Variants in ZNF582 observed in about 807,000 individuals in gnomAD.
ZNF582 encodes the protein zinc finger protein 582.
Under a neutral mutation model 12.3 loss-of-function variants are expected in ZNF582, and 14 were observed. That is an observed-to-expected ratio of 1.14 (90% CI 0.75 to 1.78). ZNF582 has a LOEUF of 1.78. Ranked by LOEUF, ZNF582 falls within the 40% of genes most tolerant of loss-of-function variation. The pLI, the probability that ZNF582 is intolerant of heterozygous loss-of-function variation, is 0.00. For synonymous variants in ZNF582, 210 were observed against 207.2 expected (o/e 1.01, Z -0.11); for missense variants, 567 against 616.5 (o/e 0.92, Z 0.85).
At chr19:56,388,238 A>G (rs2041984721) in intron 4 of ZNF582, 2 of 152,192 alleles carry the variant, frequency 1.3e-5, no homozygotes, top group African/African-American at 4.8e-5. Context: ...AAATAATGAT[A>G]ATGGGTAATA....
exon 1 of ZNF582, chr19:56,393,224 G>A: frequency 1.6e-6 from 2 of 1,258,494 alleles, no homozygotes; most frequent in Non-Finnish European, 2.0e-6. Context: ...ACCCACCTAA[G>A]GGGTCCATGC....
intron 4 of ZNF582, among the ~76,000 whole-genome samples, chr19:56,389,066 T>C (rs750314981): frequency 6.6e-6 from 1 of 152,218 alleles, no homozygotes; most frequent in South Asian, 2.1e-4. Context: ...ACCTTCCATG[T>C]CTCAGCTGAA....
chr19:56,388,046 C>A (rs557497822), intron 4 of ZNF582, among the ~76,000 whole-genome samples: 1 of 151,606 alleles, frequency 6.6e-6, no homozygotes, highest in Non-Finnish European at 1.5e-5. Context: ...TTTATGTACA[C>A]GGATGTCAAT....
chr19:56,384,761 T>C, exon 5 of ZNF582: 1 of 1,599,778 alleles, frequency 6.3e-7, no homozygotes, highest in Non-Finnish European at 8.5e-7. Flanking sequence ...AGAATGAATA[T>C]TCTCATGTTG....
At chr19:56,383,803 G>A in exon 5 of ZNF582, 2 of 1,488,962 alleles carry the variant, frequency 1.3e-6, no homozygotes, top group Non-Finnish European at 8.9e-7. Flanking sequence ...CATTGTCACT[G>A]GCATTACATT....
chr19:56,384,779 C>T (rs1324682117), exon 5 of ZNF582: 3 of 1,590,666 alleles, frequency 1.9e-6, no homozygotes, highest in African/African-American at 2.7e-5. Flanking sequence ...TTGAATTAGT[C>T]GTGAGCCATA....
Position 56,390,098 on chromosome 19 carries a change from T to A in ZNF582, c.137-2A>T. The stretch of plus-strand genomic sequence containing the variant: ...CATCAGGTTTGGAAACGGCAAGACC[T>A]GGAGATGAGAAGAAACATGCCACCT... On this transcript the variant is annotated splice_acceptor_variant, in intron 3 of 4. Coordinates refer to ENST00000586929, the Ensembl canonical transcript of ZNF582. LOFTEE classifies it high-confidence loss of function. 1 of 1,613,360 alleles carries A rather than the reference T, an allele frequency of 6.2e-7. No homozygotes were observed. The highest frequency in any genetic ancestry group is 1.1e-5 in the South Asian group (1 of 91,024).
At chr19:56,384,846 C>G (rs777261703) in exon 5 of ZNF582, 1 of 1,606,804 alleles carries the variant, frequency 6.2e-7, no homozygotes, top group African/African-American at 1.3e-5. Context: ...GTATAAATTC[C>G]TTGATGATTA....
At chr19:56,389,256 A>G (rs565421159) in intron 4 of ZNF582, among the ~76,000 whole-genome samples, 2 of 152,336 alleles carry the variant, frequency 1.3e-5, no homozygotes, top group East Asian at 3.9e-4. Flanking sequence ...ATACTGTGGC[A>G]TATTCCATGG....
rs1466567364 is a variant in ZNF582, at chr19:56,390,514, G to T, written c.10-13C>A. The T allele has an allele frequency of 6.2e-7, 1 of 1,614,026 alleles. No individual in the cohort carries two copies. On this transcript the variant is annotated splice_polypyrimidine_tract_variant and intron_variant, in intron 2 of 4. Transcript: ENST00000586929. ...ACAATTCTGACCCCTGGAATGACAG[G>T]CATGTATGATATATATGTATTTCAA...
rs910647856 is a variant in ZNF582 at position 56,383,728 on chromosome 19, A to G, written c.*135T>C. 2.9e-6 allele frequency: 3 copies of G among 1,040,650 alleles called. No homozygotes were observed. In the African/African-American group the frequency reaches 4.9e-5, roughly 17 times the overall value. 64.5% of individuals were successfully genotyped at this position (1,040,650 alleles called of 1,614,324 possible). A position where few individuals can be genotyped will look rare whatever the true frequency, so the allele number is the denominator to read the frequency against. On this transcript the variant is annotated 3_prime_UTR_variant, in exon 5 of 5. Coordinates refer to ENST00000586929, the Ensembl canonical transcript of ZNF582. ...GACAATTATGATCTGAACAATTTAC[A>G]TCCATAAAATTTTCTTTGATATGAA...
exon 5 of ZNF582, chr19:56,383,873 G>A (rs773546335): frequency 6.4e-7 from 1 of 1,572,526 alleles, no homozygotes; most frequent in South Asian, 1.2e-5. Context: ...CTAGGCTAAT[G>A]GGCTTTCCCC....
chr19:56,391,679 G>C, intron 2 of ZNF582, 65 bp downstream of exon 2: 1 of 1,491,372 alleles, frequency 6.7e-7, no homozygotes, highest in South Asian at 1.1e-5. Context: ...CAAATTTCTG[G>C]ATGGAACCCA....
intron 4 of ZNF582, among the ~76,000 whole-genome samples, chr19:56,389,253 G>A (rs1357052793): frequency 2.0e-5 from 3 of 152,240 alleles, no homozygotes; most frequent in South Asian, 2.1e-4. Context: ...TGTATACTGT[G>A]GCATATTCCA....
At chr19:56,383,717 G>A (rs757285622) in exon 5 of ZNF582, 28 of 955,766 alleles carry the variant, frequency 2.9e-5, no homozygotes, top group Non-Finnish European at 3.9e-5. Context: ...ATTATGATCT[G>A]AACAATTTAC....
chr19:56,384,803 C>T (rs2041950684), exon 5 of ZNF582: 2 of 1,598,730 alleles, frequency 1.3e-6, no homozygotes, highest in Non-Finnish European at 1.7e-6. Flanking sequence ...AAAGGCCTTC[C>T]CACATTCCTT....
exon 5 of ZNF582, chr19:56,384,972 T>C: frequency 6.2e-7 from 1 of 1,614,166 alleles, no homozygotes; most frequent in Non-Finnish European, 8.5e-7. Context: ...AAAGTGGGCA[T>C]TTCTTCATGT....
chr19:56,388,750 A>G (rs1353141298), intron 4 of ZNF582, among the ~76,000 whole-genome samples: 2 of 152,094 alleles, frequency 1.3e-5, no homozygotes, highest in Non-Finnish European at 2.9e-5. Flanking sequence ...CTCCTGCTTC[A>G]GCCTCCCAAG....
intron 4 of ZNF582, among the ~76,000 whole-genome samples, chr19:56,388,689 G>A (rs1383034568): frequency 1.3e-5 from 2 of 152,104 alleles, no homozygotes; most frequent in Admixed American, 6.5e-5. Context: ...CTGGAGCGCA[G>A]TGGTTCGATC....
Sources: allele counts gnomAD v4.1 joint callset (sites outside exome capture counted in the v4.1 genomes callset), GRCh38; gene constraint gnomAD v4.1.1; transcripts MANE v1.5; gene names NCBI Gene and HGNC (gene_info 2026-07-23, HGNC 2026-07-21).